NTRK3: variants seen among roughly 807,000 people sequenced by gnomAD.
NTRK3 encodes NT-3 growth factor receptor.
NTRK3 carries 24 observed loss-of-function variants against 91.7 expected under a neutral mutation model. The ratio of observed to expected loss-of-function variants is 0.26; its 90% CI spans 0.19 to 0.37. The LOEUF (loss-of-function observed/expected upper bound fraction) is 0.37, where lower values mean the gene tolerates loss of function less well. NTRK3 is among the 10% of genes least tolerant of loss of function. The probability of loss-of-function intolerance (pLI) is 1.00; values close to 1 mark genes in which losing one functional copy is unlikely to be tolerated. For missense variants in NTRK3, 880 were observed against 1,068.9 expected, an observed-to-expected ratio of 0.82 and a Z score of 2.46; for synonymous variants, 483 against 404.0, an observed-to-expected ratio of 1.20 and a Z score of -2.34.
intron 3 of NTRK3, among the ~76,000 whole-genome samples, chr15:88,189,550 T>C (rs1270153731): frequency 2.0e-5 from 3 of 152,040 alleles, no homozygotes; most frequent in Non-Finnish European, 4.4e-5. Flanking sequence ...GTTCAAGCAA[T>C]TCTCCTGCCT....
chr15:88,137,323 C>G, intron 7 of NTRK3, 81 bp downstream of exon 7: 2 of 1,554,630 alleles, frequency 1.3e-6, no homozygotes, highest in Non-Finnish European at 1.8e-6. Flanking sequence ...CTCTGGCATC[C>G]CAAGGTAACG....
chr15:88,021,247 C>T (rs937774180), intron 14 of NTRK3, among the ~76,000 whole-genome samples: 3 of 152,196 alleles, frequency 2.0e-5, no homozygotes, highest in Non-Finnish European at 4.4e-5. Flanking sequence ...CCTGTCCCTC[C>T]GAGGGGCTTG....
intron 16 of NTRK3, chr15:87,931,100 C>G (rs2068756254): frequency 2.5e-6 from 1 of 400,694 alleles, no homozygotes. Context: ...CACTCCTTAT[C>G]TTTACTCTAG....
intron 14 of NTRK3, among the ~76,000 whole-genome samples, chr15:87,998,838 C>G (rs1177579617): frequency 6.6e-6 from 1 of 151,276 alleles, no homozygotes; most frequent in African/African-American, 2.5e-5. Flanking sequence ...ACTGCAATGA[C>G]TTACTGCCTC....
At chr15:88,023,669 G>A (rs539652690) in intron 14 of NTRK3, among the ~76,000 whole-genome samples, 1 of 152,232 alleles carries the variant, frequency 6.6e-6, no homozygotes, top group South Asian at 2.1e-4. Context: ...GTCACATCTA[G>A]CAGAGCCTGC....
intron 13 of NTRK3, among the ~76,000 whole-genome samples, chr15:88,098,133 C>A (rs532592920): frequency 5.3e-5 from 8 of 152,186 alleles, no homozygotes. Flanking sequence ...AGGATAAGGC[C>A]AATAGGAAAA....
At chr15:87,929,099 C>T (rs1280680764) in intron 17 of NTRK3, 92 bp downstream of exon 17, 8 of 1,596,190 alleles carry the variant, frequency 5.0e-6, no homozygotes, top group Non-Finnish European at 5.2e-6. Context: ...TATGTGTGTG[C>T]CAGAGTGACA....
intron 14 of NTRK3, among the ~76,000 whole-genome samples, chr15:87,995,500 G>A (rs2075621882): frequency 6.6e-6 from 1 of 152,172 alleles, no homozygotes; most frequent in African/African-American, 2.4e-5. Context: ...TAGTGGGGAA[G>A]TACAAGACAC....
chr15:88,126,439 G>T (rs2053291963), intron 12 of NTRK3, 66 bp from the exon 13 acceptor site: 1 of 1,083,756 alleles, frequency 9.2e-7, no homozygotes, highest in East Asian at 2.4e-5. Context: ...TGAAAATAAT[G>T]TGTGTGCCCA....
At chr15:88,002,248 G>T (rs942562326) in intron 14 of NTRK3, among the ~76,000 whole-genome samples, 14 of 128,118 alleles carry the variant, frequency 1.1e-4, no homozygotes, top group Admixed American at 1.9e-4. Flanking sequence ...AACTCCTCAA[G>T]CTATAAAGCA....
exon 19 of NTRK3, chr15:87,868,044 T>A: frequency 4.3e-6 from 1 of 231,162 alleles, no homozygotes; most frequent in Non-Finnish European, 8.6e-6. Flanking sequence ...ATAGATGACT[T>A]TAAGAAATCA....
chr15:87,862,679 C>T (rs2064559193), exon 19 of NTRK3: 1 of 229,450 alleles, frequency 4.4e-6, no homozygotes, highest in Non-Finnish European at 8.6e-6. Context: ...AGCAATGTGA[C>T]AACATGTGCT....
intron 13 of NTRK3, among the ~76,000 whole-genome samples, chr15:88,086,881 G>A (rs1270640799): frequency 6.6e-6 from 1 of 152,174 alleles, no homozygotes; most frequent in Non-Finnish European, 1.5e-5. Flanking sequence ...CCTGAAGGAG[G>A]GAGCTTTTCA....
At chr15:87,877,168 G>C (rs748697418) in intron 18 of NTRK3, 48 bp from the exon 20 acceptor site, 1 of 1,599,702 alleles carries the variant, frequency 6.3e-7, no homozygotes, top group Middle Eastern at 1.9e-4. Flanking sequence ...GCTCAGCCTT[G>C]GTCCTGTGGC....
chr15:88,235,942 C>G lies in NTRK3; in HGVS notation c.248+19964G>C, dbSNP rs986427973. On this transcript the variant is annotated intron_variant, in intron 3 of 18. Transcript: ENST00000394480. This position sits in a 1 kb window ranked among gnomAD's most constrained non-coding sequence, Gnocchi z 5.2. Reference sequence around the variant, plus strand: ...AAGGCAAAGATACAAGGTCCTGTTTCGATGAGTCACATAAATGTGTCTCTC... The same window carrying G: ...AAGGCAAAGATACAAGGTCCTGTTTGGATGAGTCACATAAATGTGTCTCTC... Among the ~76,000 whole-genome samples the G allele has an allele frequency of 6.6e-6, 1 of 152,166 alleles. No homozygotes were observed. Among genetic ancestry groups the G allele is most frequent in the African/African-American group, 2.4e-5 (1 of 41,438 alleles).
At chr15:87,891,362 G>C (rs2065851657) in intron 17 of NTRK3, among the ~76,000 whole-genome samples, 1 of 152,062 alleles carries the variant, frequency 6.6e-6, no homozygotes, top group Admixed American at 6.6e-5. Flanking sequence ...TTTAGGACTT[G>C]CTTTGTTTTT....
At chr15:88,152,165 G>A (rs1167755882) in intron 5 of NTRK3, among the ~76,000 whole-genome samples, 1 of 152,096 alleles carries the variant, frequency 6.6e-6, no homozygotes, top group African/African-American at 2.4e-5. Flanking sequence ...GCTGGGTGTG[G>A]TGGTGGGCGC....
chr15:88,038,255 C>T (rs2079249808), intron 13 of NTRK3, among the ~76,000 whole-genome samples: 3 of 152,212 alleles, frequency 2.0e-5, no homozygotes, highest in South Asian at 4.1e-4. Context: ...TCCTATTAAG[C>T]TATATCCACA....
chr15:88,157,990 G>A (rs1444425001), intron 5 of NTRK3, among the ~76,000 whole-genome samples: 1 of 152,202 alleles, frequency 6.6e-6, no homozygotes, highest in Non-Finnish European at 1.5e-5. Flanking sequence ...GGATGGGTAA[G>A]GTCATGGCCT....
Sources: gnomAD v4.1 joint callset for allele counts (sites outside exome capture counted in the v4.1 genomes callset) on GRCh38, gnomAD v4.1.1 for gene constraint, Gnocchi (gnomAD v3.1) non-coding constraint, MANE v1.5 for transcripts, NCBI Gene and HGNC (gene_info 2026-07-23, HGNC 2026-07-21) for gene names.